STOX2: variants seen among roughly 807,000 people sequenced by gnomAD.
STOX2 encodes the protein storkhead-box protein 2.
A neutral mutation model predicts 60.9 loss-of-function variants in STOX2; 28 were observed. The observed-to-expected ratio is 0.46, with a 90% confidence interval of 0.34 to 0.63. STOX2 has a LOEUF of 0.63. STOX2 is among the 30% of genes least tolerant of loss of function. The pLI is 0.01. For synonymous variants in STOX2, 472 were observed against 463.9 expected, an observed-to-expected ratio of 1.02 and a Z score of -0.22; for missense variants, 1,024 against 1,187.7, an observed-to-expected ratio of 0.86 and a Z score of 2.03.
rs866753067 is a variant in STOX2, at chr4:184,011,334, C to G, written c.2496C>G (p.Ser832Arg). The G allele has an allele frequency of 6.2e-7, 1 of 1,614,016 alleles. No homozygotes were observed. The highest frequency in any genetic ancestry group is 8.5e-7 in the Non-Finnish European group (1 of 1,179,898). ...LTLLAPKETD[S>R]SSNQRATHSA... ...TTCTTGCTCCAAAAGAAACCGACAG[C>G]AGCAGCAACCAGAGAGCCACCCATT... Residue 832 changes from serine to arginine, a missense_variant, in exon 3 of 4, where the codon AGC becomes AGG. Coordinates refer to ENST00000308497, the MANE Select transcript of STOX2 (RefSeq NM_020225.3). This position sits in a 1 kb window ranked among gnomAD's most constrained non-coding sequence, Gnocchi z 4.4.
At chr4:183,931,011 A>G (rs1309513388) in intron 1 of STOX2, among the ~76,000 whole-genome samples, 1 of 77,208 alleles carries the variant, frequency 1.3e-5, no homozygotes, top group Non-Finnish European at 5.7e-5. Flanking sequence ...TCATCTAGAA[A>G]CTGTCATGTT....
At position 183,825,543 on chromosome 4, in the gene STOX2, C is replaced by T. The variant is rs1157852457; in HGVS notation, c.364+27488C>T. On this transcript the variant is annotated intron_variant, in intron 1 of 2. Coordinates refer to the STOX2 transcript ENST00000513034. The surrounding 1 kb of genome is among the most constrained non-coding windows in gnomAD (Gnocchi z 4.1). ...AGGCCCAAGTGCAGGCAGCCACCCTCGCTGTAGGTGTGTGTGTCCGTGCCT... is the reference window on the plus strand; with the variant it reads ...AGGCCCAAGTGCAGGCAGCCACCCTTGCTGTAGGTGTGTGTGTCCGTGCCT... Among the ~76,000 whole-genome samples, 1 of 152,188 alleles carries T rather than the reference C, an allele frequency of 6.6e-6. No homozygotes were observed. The highest frequency in any genetic ancestry group is 1.9e-4 in the East Asian group (1 of 5,198).
At chr4:183,845,274 C>T (rs1739960302) in intron 1 of STOX2, among the ~76,000 whole-genome samples, 1 of 152,130 alleles carries the variant, frequency 6.6e-6, no homozygotes, top group Non-Finnish European at 1.5e-5. Context: ...GGACTGTGCA[C>T]TTTCAGGGCA....
chr4:183,803,254 G>C lies in STOX2; in HGVS notation c.364+5199G>C, dbSNP rs574748859. 6.0e-4 allele frequency among the ~76,000 whole-genome samples: 92 copies of C among 152,226 alleles called. 1 individual carries two copies. The highest frequency in any genetic ancestry group is 6.8e-3 in the Middle Eastern group (2 of 294). ...GGGAATTATGGGAGCTATAAGACGA[G>C]ATTTGGGTGGGGACACAGCTCCAAA... On this transcript the variant is annotated intron_variant, in intron 1 of 2. Transcript: ENST00000513034.
At chr4:183,970,041 C>G (rs1271104490) in intron 1 of STOX2, among the ~76,000 whole-genome samples, 3 of 152,036 alleles carry the variant, frequency 2.0e-5, no homozygotes, top group Non-Finnish European at 2.9e-5. Flanking sequence ...ATTCCTGTCT[C>G]AATAGAGACT....
intron 1 of STOX2, among the ~76,000 whole-genome samples, chr4:183,962,843 A>G (rs1743451501): frequency 6.6e-6 from 1 of 152,234 alleles, no homozygotes; most frequent in South Asian, 2.1e-4. Flanking sequence ...TGGTGGGTTC[A>G]AGAAATTTAA....
intron 2 of STOX2, among the ~76,000 whole-genome samples, chr4:184,003,534 C>G (rs1318769166): frequency 6.6e-6 from 1 of 152,226 alleles, no homozygotes; most frequent in East Asian, 1.9e-4. Context: ...CATTGGTCAG[C>G]CTCAGAAGTT....
At chr4:183,955,288 A>T (rs569636565) in intron 1 of STOX2, among the ~76,000 whole-genome samples, 1 of 152,320 alleles carries the variant, frequency 6.6e-6, no homozygotes, top group African/African-American at 2.4e-5. Context: ...AGGGCCAAGT[A>T]TTGTGCTATG....
At chr4:183,954,786 C>T (rs1483074250) in intron 1 of STOX2, among the ~76,000 whole-genome samples, 2 of 150,130 alleles carry the variant, frequency 1.3e-5, no homozygotes, top group African/African-American at 2.5e-5. Context: ...TTGCCCAGGC[C>T]GCAGTGCAGT....
chr4:183,866,885 G>GACAA (rs548431375), intron 1 of STOX2, among the ~76,000 whole-genome samples: 8 of 152,056 alleles, frequency 5.3e-5, no homozygotes, highest in South Asian at 2.1e-4. Context: ...TCTCAAAACA[G>GACAA]ACAAACAAAC....
chr4:183,970,521 C>T (rs888738791), intron 1 of STOX2, among the ~76,000 whole-genome samples: 1 of 152,138 alleles, frequency 6.6e-6, no homozygotes, highest in Non-Finnish European at 1.5e-5. Context: ...TCACTGCCCC[C>T]GACCGGACCC....
chr4:183,908,461 C>T (rs1205473782), intron 1 of STOX2, among the ~76,000 whole-genome samples: 1 of 152,106 alleles, frequency 6.6e-6, no homozygotes, highest in Non-Finnish European at 1.5e-5. Flanking sequence ...TTCACAGTTC[C>T]CCTTTCTTAT....
chr4:183,935,651 A>C (rs1411823736), intron 1 of STOX2, among the ~76,000 whole-genome samples: 2 of 152,200 alleles, frequency 1.3e-5, no homozygotes, highest in African/African-American at 2.4e-5. Context: ...AATCCTTTTA[A>C]ACTGAGTCTT....
chr4:183,967,635 T>C lies in STOX2; in HGVS notation c.167-33690T>C, dbSNP rs117276835. Among the ~76,000 whole-genome samples, 42 of 152,322 alleles carry C rather than the reference T, an allele frequency of 2.8e-4. No homozygotes were observed. The East Asian group carries it at 7.9e-3, about 29-fold the overall frequency. On this transcript the variant is annotated intron_variant, in intron 1 of 3. Transcript: ENST00000308497. ...AACTTAGATAACTTGTTGTGTGCTC[T>C]ACGCTCTAGTTGTTTTGTTCGGGTT...
At chr4:184,007,690 A>G (rs1733932869) in intron 2 of STOX2, among the ~76,000 whole-genome samples, 1 of 152,198 alleles carries the variant, frequency 6.6e-6, no homozygotes, top group African/African-American at 2.4e-5. Context: ...AGAAGTCCAG[A>G]ATCACAATCT....
intron 1 of STOX2, among the ~76,000 whole-genome samples, chr4:183,814,385 G>A (rs1028424113): frequency 2.6e-5 from 4 of 152,072 alleles, no homozygotes; most frequent in African/African-American, 9.7e-5. Context: ...TATGTTTTAG[G>A]GACTTTGCCG....
intron 1 of STOX2, among the ~76,000 whole-genome samples, chr4:183,914,288 A>C (rs918287468): frequency 6.6e-6 from 1 of 152,156 alleles, no homozygotes; most frequent in Non-Finnish European, 1.5e-5. Flanking sequence ...AGATACAAAA[A>C]TTAGCCACAC....
chr4:183,924,357 A>G (rs1450794670), intron 1 of STOX2, among the ~76,000 whole-genome samples: 1 of 152,120 alleles, frequency 6.6e-6, no homozygotes, highest in Non-Finnish European at 1.5e-5. Context: ...CTGGACCCCC[A>G]CAGAGACTAG....
chr4:183,957,376 A>G (rs1484118609), intron 1 of STOX2, among the ~76,000 whole-genome samples: 1 of 152,162 alleles, frequency 6.6e-6, no homozygotes, highest in Non-Finnish European at 1.5e-5. Flanking sequence ...CTGTGGTTTT[A>G]TCATGCATCA....
Sources: gnomAD v4.1 joint callset for allele counts (sites outside exome capture counted in the v4.1 genomes callset) on GRCh38, gnomAD v4.1.1 for gene constraint, Gnocchi (gnomAD v3.1) non-coding constraint, MANE v1.5 for transcripts, NCBI Gene and HGNC (gene_info 2026-07-23, HGNC 2026-07-21) for gene names.